Variants in CRTAC1 observed in about 807,000 individuals in gnomAD.
CRTAC1 encodes acidic secreted protein in cartilage.
Under a neutral mutation model 67.8 loss-of-function variants are expected in CRTAC1, and 37 were observed. The observed-to-expected ratio is 0.55, with a 90% CI of 0.42 to 0.72. CRTAC1 has a LOEUF of 0.72. Among genes scored for constraint, CRTAC1 ranks in the 30% least tolerant of loss-of-function variants. The pLI, the probability that CRTAC1 is intolerant of heterozygous loss-of-function variation, is 0.00. For synonymous variants in CRTAC1, 348 were observed against 371.0 expected, an observed-to-expected ratio of 0.94 and a Z score of 0.71; for missense variants, 780 against 931.6, an observed-to-expected ratio of 0.84 and a Z score of 2.12.
intron 2 of CRTAC1, among the ~76,000 whole-genome samples, chr10:97,952,474 G>A (rs1209774141): frequency 6.8e-6 from 1 of 146,636 alleles, no homozygotes; most frequent in Non-Finnish European, 1.5e-5. Context: ...GGAGATGGAG[G>A]TTGTATTGAG....
intron 13 of CRTAC1, among the ~76,000 whole-genome samples, chr10:97,881,343 C>T (rs1434790546): frequency 6.6e-6 from 1 of 152,206 alleles, no homozygotes; most frequent in Non-Finnish European, 1.5e-5. Context: ...GGGCCTAGAT[C>T]CTTCTCATCC....
intron 2 of CRTAC1, among the ~76,000 whole-genome samples, chr10:97,940,315 G>A (rs751454129): frequency 6.6e-6 from 1 of 152,220 alleles, no homozygotes. Flanking sequence ...CTGAGTGTGA[G>A]CTACATGGGC....
intron 3 of CRTAC1, among the ~76,000 whole-genome samples, chr10:97,935,241 T>C (rs1343404841): frequency 6.6e-6 from 1 of 152,188 alleles, no homozygotes; most frequent in Non-Finnish European, 1.5e-5. Context: ...TACAGTGGCA[T>C]TTACCAGTAC....
chr10:98,030,617 T>C lies in CRTAC1; in HGVS notation c.-145A>G, dbSNP rs1843358422. The stretch of plus-strand genomic sequence containing the variant: ...CCGCCCCGACGCCGCGCGCTCGCTT[T>C]ATACAACTCCACTCGAGCGCGCCCG... On this transcript the variant is annotated 5_prime_UTR_variant, in exon 1 of 15. It adds an upstream start codon to the 5' untranslated region. Coordinates refer to ENST00000370597, the MANE Select transcript of CRTAC1 (RefSeq NM_018058.7). This position sits in a 1 kb window ranked among gnomAD's most constrained non-coding sequence, Gnocchi z 4.2. 3 of 432,704 alleles carry C rather than the reference T, an allele frequency of 6.9e-6. No homozygotes were observed. The highest frequency in any genetic ancestry group is 6.5e-4 in the Middle Eastern group (1 of 1,536). The allele number at this position is 432,704 out of a possible 1,614,324, so 26.8% of individuals were successfully genotyped here.
intron 14 of CRTAC1, among the ~76,000 whole-genome samples, chr10:97,876,961 T>G (rs1221958096): frequency 7.0e-6 from 1 of 143,208 alleles, no homozygotes; most frequent in East Asian, 2.1e-4. Flanking sequence ...TTTTTTTTTT[T>G]TTTTTTTTTT....
At chr10:97,898,745 G>A (rs1173685157) in intron 8 of CRTAC1, among the ~76,000 whole-genome samples, 1 of 152,128 alleles carries the variant, frequency 6.6e-6, no homozygotes, top group Non-Finnish European at 1.5e-5. Flanking sequence ...AGGAATCTCC[G>A]TGGGAGACCA....
In CRTAC1 at chr10:97,890,657, T is replaced by A. The variant is rs2050356515; in HGVS notation, c.1486+4588A>T. Among the ~76,000 whole-genome samples, 4 of 151,886 alleles carry A rather than the reference T, an allele frequency of 2.6e-5. No individual in the cohort carries two copies. In the South Asian group the frequency reaches 8.3e-4, roughly 32 times the overall value. On this transcript the variant is annotated intron_variant, in intron 11 of 14. Coordinates refer to ENST00000370597, the MANE Select transcript of CRTAC1 (RefSeq NM_018058.7). The stretch of plus-strand genomic sequence containing the variant: ...CCTCTGTTCTGCATTTTCTTTTCTC[T>A]TTTCTTTTCTTTCTTTTTTTTTTTT...
At chr10:97,970,540 G>T (rs1035461534) in intron 2 of CRTAC1, among the ~76,000 whole-genome samples, 1 of 152,144 alleles carries the variant, frequency 6.6e-6, no homozygotes, top group South Asian at 2.1e-4. Flanking sequence ...GAAGGCTACC[G>T]TGTTCCTGCC....
chr10:97,882,398 A>G (rs979594771), intron 13 of CRTAC1, among the ~76,000 whole-genome samples: 2 of 152,148 alleles, frequency 1.3e-5, no homozygotes, highest in African/African-American at 2.4e-5. Context: ...TTTTGCCCCA[A>G]TGCCCTTGGC....
intron 2 of CRTAC1, among the ~76,000 whole-genome samples, chr10:98,000,611 G>A (rs373588636): frequency 1.4e-4 from 22 of 152,364 alleles, no homozygotes; most frequent in African/African-American, 4.6e-4. Flanking sequence ...CTGCCAGGGC[G>A]AGTGGGCGGA....
chr10:97,958,528 C>T (rs921600366), intron 2 of CRTAC1, among the ~76,000 whole-genome samples: 1 of 152,058 alleles, frequency 6.6e-6, no homozygotes, highest in African/African-American at 2.4e-5. Context: ...CCCACATTAC[C>T]CCCCATCGTT....
chr10:97,983,829 A>C (rs1269803207), intron 2 of CRTAC1, among the ~76,000 whole-genome samples: 1 of 152,198 alleles, frequency 6.6e-6, no homozygotes, highest in Non-Finnish European at 1.5e-5. Flanking sequence ...TCTTGTTTCC[A>C]TCTGGGGCCT....
rs989067534 is a variant in CRTAC1, at chr10:97,865,147, C to T, written c.*401G>A. ...ATTCTTAATCCCCATTTTGCAGATG[C>T]GATAATGGATGGCTAACAAGTTAAG... On this transcript the variant is annotated 3_prime_UTR_variant, in exon 15 of 15. Transcript: ENST00000370597. 4.2e-5 allele frequency: 7 copies of T among 166,786 alleles called. No individual in the cohort carries two copies. The highest frequency in any genetic ancestry group is 2.0e-4 in the South Asian group (1 of 5,014). 10.3% of individuals were successfully genotyped at this position (166,786 alleles called of 1,614,324 possible). A position where few individuals can be genotyped will look rare whatever the true frequency, so the allele number is the denominator to read the frequency against.
chr10:97,870,265 TAGCCTATA>T (rs1174697149), intron 14 of CRTAC1: 1 of 152,232 alleles, frequency 6.6e-6, no homozygotes, highest in Non-Finnish European at 1.5e-5. Flanking sequence ...ACAGTACCTA[TAGCCTATA>T]AGCCTTTAAT....
At chr10:97,977,280 G>A (rs1304197943) in intron 2 of CRTAC1, among the ~76,000 whole-genome samples, 1 of 152,210 alleles carries the variant, frequency 6.6e-6, no homozygotes, top group Non-Finnish European at 1.5e-5. Context: ...GACAGGAGCT[G>A]AATTGTGATG....
At chr10:97,945,007 G>A (rs2051242349) in intron 2 of CRTAC1, among the ~76,000 whole-genome samples, 1 of 152,228 alleles carries the variant, frequency 6.6e-6, no homozygotes, top group Admixed American at 6.5e-5. Flanking sequence ...CCAAATTCCT[G>A]ATTGGCAGAA....
At chr10:98,011,082 C>T (rs1842896753) in intron 2 of CRTAC1, 56 bp downstream of exon 2, 16 of 1,503,758 alleles carry the variant, frequency 1.1e-5, no homozygotes, top group Non-Finnish European at 1.4e-5. Flanking sequence ...GTTACACAGC[C>T]TTATTACAGC....
intron 2 of CRTAC1, among the ~76,000 whole-genome samples, chr10:97,997,996 G>T (rs537764287): frequency 1.8e-3 from 272 of 152,224 alleles, no homozygotes; most frequent in Middle Eastern, 6.8e-3. Flanking sequence ...TTGAGACAGG[G>T]TCTTGCTCTG....
At chr10:97,902,649 A>C (rs2050557916) in intron 7 of CRTAC1, among the ~76,000 whole-genome samples, 1 of 152,084 alleles carries the variant, frequency 6.6e-6, no homozygotes, top group African/African-American at 2.4e-5. Context: ...TCCCCTAAAG[A>C]CCTTGGGGAC....
Sources: gnomAD v4.1 joint callset for allele counts (sites outside exome capture counted in the v4.1 genomes callset) on GRCh38, gnomAD v4.1.1 for gene constraint, Gnocchi (gnomAD v3.1) non-coding constraint, MANE v1.5 for transcripts, NCBI Gene and HGNC (gene_info 2026-07-23, HGNC 2026-07-21) for gene names.